Variants in CMTM4 observed in about 807,000 individuals in gnomAD.
CMTM4 encodes CKLF-like MARVEL transmembrane domain-containing protein 4.
In CMTM4, 8 loss-of-function variants were observed where a neutral mutation model predicts 19.0. The ratio of observed to expected loss-of-function variants is 0.42; its 90% CI spans 0.25 to 0.76. CMTM4 has a LOEUF of 0.76. Ranked by LOEUF, CMTM4 falls within the 30% of genes least tolerant of loss-of-function variation. The probability of loss-of-function intolerance (pLI) is 0.27; values close to 1 mark genes in which losing one functional copy is unlikely to be tolerated. For missense variants in CMTM4, 228 were observed against 290.2 expected (o/e 0.79, Z 1.56); for synonymous variants, 106 against 121.1 (o/e 0.88, Z 0.82).
chr16:66,695,159 C>T (rs1410838171), intron 1 of CMTM4, among the ~76,000 whole-genome samples: 1 of 152,116 alleles, frequency 6.6e-6, no homozygotes, highest in Non-Finnish European at 1.5e-5. Flanking sequence ...CCAGTCTGGG[C>T]AACATGGTGA....
At chr16:66,630,627 C>T (rs947117848) in intron 2 of CMTM4, among the ~76,000 whole-genome samples, 2 of 151,834 alleles carry the variant, frequency 1.3e-5, no homozygotes, top group Admixed American at 6.6e-5. Flanking sequence ...GACGGAGTCT[C>T]GTTCACTCAG....
chr16:66,679,825 A>G (rs2016875226), intron 1 of CMTM4, among the ~76,000 whole-genome samples: 1 of 144,028 alleles, frequency 6.9e-6, no homozygotes, highest in Non-Finnish European at 1.5e-5. Context: ...CTCTATGTCA[A>G]AAAAAAAAAA....
At chr16:66,688,409 C>T (rs993440314) in intron 1 of CMTM4, among the ~76,000 whole-genome samples, 1 of 151,996 alleles carries the variant, frequency 6.6e-6, no homozygotes, top group Non-Finnish European at 1.5e-5. Flanking sequence ...ACTTACAATC[C>T]CCAAGTGAGA....
At chr16:66,663,025 T>A (rs1300179253) in intron 1 of CMTM4, among the ~76,000 whole-genome samples, 1 of 152,100 alleles carries the variant, frequency 6.6e-6, no homozygotes, top group Non-Finnish European at 1.5e-5. Context: ...CGAGCAAAGA[T>A]TCAAATAGCA....
the CMTM4 span, among the ~76,000 whole-genome samples, chr16:66,600,245 C>T: frequency 6.6e-6 from 1 of 151,180 alleles, no homozygotes; most frequent in Non-Finnish European, 1.5e-5. Context: ...CAGGTTCAAG[C>T]AATTCTCCTG....
At chr16:66,598,178 C>T in the CMTM4 span, among the ~76,000 whole-genome samples, 3 of 151,962 alleles carry the variant, frequency 2.0e-5, no homozygotes, top group African/African-American at 7.3e-5. Context: ...TCTTCCTTAC[C>T]GGAGGCATGT....
At chr16:66,645,464 GCTA>G (rs2016175850) in intron 1 of CMTM4, among the ~76,000 whole-genome samples, 1 of 151,124 alleles carries the variant, frequency 6.6e-6, no homozygotes, top group Non-Finnish European at 1.5e-5. Flanking sequence ...TATAATCCCA[GCTA>G]CTCGGGAGGC....
At chr16:66,652,618 T>C (rs2016331751) in intron 1 of CMTM4, among the ~76,000 whole-genome samples, 1 of 152,234 alleles carries the variant, frequency 6.6e-6, no homozygotes, top group East Asian at 1.9e-4. Flanking sequence ...CTCTAACGCA[T>C]ACATTAAATC....
chr16:66,676,177 A>G (rs2016807263), intron 1 of CMTM4, among the ~76,000 whole-genome samples: 1 of 152,218 alleles, frequency 6.6e-6, no homozygotes, highest in Admixed American at 6.5e-5. Context: ...CTCTCAGTCA[A>G]TTAATTGCCT....
chr16:66,604,592 G>A, the CMTM4 span: 1 of 349,222 alleles, frequency 2.9e-6, no homozygotes, highest in East Asian at 4.6e-5. Context: ...GGGAGGGGGC[G>A]GGTCGGGCCC....
At chr16:66,632,069 G>T (rs1270212863) in intron 2 of CMTM4, among the ~76,000 whole-genome samples, 1 of 152,238 alleles carries the variant, frequency 6.6e-6, no homozygotes, top group African/African-American at 2.4e-5. Flanking sequence ...TTCTGAGATA[G>T]AGGCCTAAGA....
At chr16:66,693,719 G>A (rs992326389) in intron 1 of CMTM4, among the ~76,000 whole-genome samples, 4 of 152,084 alleles carry the variant, frequency 2.6e-5, no homozygotes, top group Non-Finnish European at 4.4e-5. Flanking sequence ...AAGTTCTTCC[G>A]GATGAAAAGT....
intron 1 of CMTM4, among the ~76,000 whole-genome samples, chr16:66,693,640 C>G (rs948299018): frequency 6.6e-6 from 1 of 152,180 alleles, no homozygotes; most frequent in Admixed American, 6.6e-5. Flanking sequence ...CACATATAAC[C>G]TCTCAGAGTT....
chr16:66,639,496 G>C (rs1191029015), intron 1 of CMTM4, among the ~76,000 whole-genome samples: 1 of 152,136 alleles, frequency 6.6e-6, no homozygotes. Context: ...TTTAAAAAGA[G>C]TGAGTTAGTG....
At chr16:66,691,307 A>T (rs1394011556) in intron 1 of CMTM4, among the ~76,000 whole-genome samples, 1 of 150,770 alleles carries the variant, frequency 6.6e-6, no homozygotes, top group South Asian at 2.1e-4. Flanking sequence ...TTATTCATTT[A>T]AAAAAAAAAT....
intron 1 of CMTM4, among the ~76,000 whole-genome samples, chr16:66,663,423 T>C (rs1001315078): frequency 2.0e-5 from 3 of 151,782 alleles, no homozygotes; most frequent in Admixed American, 6.6e-5. Context: ...GGAGGATTAC[T>C]GGAGCCCAGG....
At chr16:66,598,222 A>G in the CMTM4 span, among the ~76,000 whole-genome samples, 1 of 152,188 alleles carries the variant, frequency 6.6e-6, no homozygotes. Context: ...TTCATTCCAT[A>G]GCAGACATTT....
intron 2 of CMTM4, among the ~76,000 whole-genome samples, chr16:66,630,567 T>C (rs938589921): frequency 2.4e-4 from 36 of 152,004 alleles, no homozygotes; most frequent in African/African-American, 8.7e-4. Flanking sequence ...CTCCAGCTCC[T>C]AACCGCGAGT....
At chr16:66,652,055 CCCTCAGGAGCTA>C (rs1250345248) in intron 1 of CMTM4, among the ~76,000 whole-genome samples, 300 of 152,258 alleles carry the variant, frequency 2.0e-3, no homozygotes, top group African/African-American at 6.6e-3. Flanking sequence ...GCAGAGATGG[CCCTCAGGAGCTA>C]AAGCCACCTG....
Sources: allele counts gnomAD v4.1 joint callset (sites outside exome capture counted in the v4.1 genomes callset), GRCh38; gene constraint gnomAD v4.1.1; transcripts MANE v1.5; gene names NCBI Gene and HGNC (gene_info 2026-07-23, HGNC 2026-07-21).